The following COL9A3 variants were observed in gnomAD, a reference collection of about 807,000 sequenced individuals.
COL9A3 encodes the protein collagen type IX alpha 3 chain.
A neutral mutation model predicts 110.2 loss-of-function variants in COL9A3; 82 were observed. The ratio of observed to expected loss-of-function variants is 0.74; its 90% confidence interval spans 0.62 to 0.89. COL9A3 has a LOEUF of 0.89. Among genes scored for constraint, COL9A3 ranks in the 40% least tolerant of loss-of-function variants. COL9A3 has a pLI of 0.00. For missense variants in COL9A3, 1,066 were observed against 981.3 expected, an observed-to-expected ratio of 1.09 and a Z score of -1.15; for synonymous variants, 494 against 403.8, an observed-to-expected ratio of 1.22 and a Z score of -2.68.
At chr20:62,829,326 G>T in intron 19 of COL9A3, 129 bp from the exon 20 acceptor site, 1 of 1,251,300 alleles carries the variant, frequency 8.0e-7, no homozygotes, top group Non-Finnish European at 1.1e-6. Context: ...CACAAGGCTG[G>T]GAGAAGTTGG....
chr20:62,829,765 G>C lies in COL9A3; in HGVS notation c.1108-1G>C. 1.3e-6 allele frequency: 2 copies of C among 1,590,832 alleles called. No homozygotes were observed. Among genetic ancestry groups the C allele is most frequent in the East Asian group, 4.5e-5 (2 of 43,970 alleles). ...TGACACCCTCCTTCCTTTCCCTGTA[G>C]GGAGATGCTGGCATGCCTGGGGAGC... On this transcript the variant is annotated splice_acceptor_variant, in intron 21 of 31. Coordinates refer to ENST00000649368, the MANE Select transcript of COL9A3 (RefSeq NM_001853.4). LOFTEE classifies it high-confidence loss of function.
intron 3 of COL9A3, among the ~76,000 whole-genome samples, 157 bp downstream of exon 3, chr20:62,818,710 G>GAGCA (rs2147195830): frequency 6.6e-6 from 1 of 152,356 alleles, no homozygotes; most frequent in Admixed American, 6.5e-5. Context: ...GGAGCCAGCG[G>GAGCA]GGCGGGAGGG....
rs111683227 is a variant in COL9A3, at chr20:62,837,750, C to T, written c.1786+485C>T. Among the ~76,000 whole-genome samples, 5 of 151,920 alleles carry T rather than the reference C, an allele frequency of 3.3e-5. No individual in the cohort carries two copies. In the South Asian group the frequency reaches 6.2e-4, roughly 19 times the overall value. ...TGAACCCTGAAGGCAGAGGTTGCAG[C>T]GAGCTGAGATCGCACCATTGCACTC... On this transcript the variant is annotated intron_variant, in intron 30 of 31. Coordinates refer to ENST00000649368, the MANE Select transcript of COL9A3 (RefSeq NM_001853.4).
chr20:62,837,814 G>GA (rs550050313), intron 30 of COL9A3, among the ~76,000 whole-genome samples: 1,561 of 141,882 alleles, frequency 0.011, 13 homozygotes, highest in Non-Finnish European at 0.014. Context: ...CTCCATAAAA[G>GA]AAAAAAAAAA....
intron 5 of COL9A3, among the ~76,000 whole-genome samples, chr20:62,820,655 G>T (rs982447410): frequency 2.0e-5 from 3 of 152,188 alleles, no homozygotes; most frequent in Non-Finnish European, 4.4e-5. Flanking sequence ...CGAGTCCGTG[G>T]TGCCCAGGGG....
chr20:62,825,460 G>A, intron 12 of COL9A3: 1 of 394,260 alleles, frequency 2.5e-6, no homozygotes, highest in Non-Finnish European at 4.6e-6. Flanking sequence ...ATGGTCACCT[G>A]CAGGCCGGGG....
intron 26 of COL9A3, among the ~76,000 whole-genome samples, chr20:62,833,626 A>T (rs1167710121): frequency 1.3e-5 from 2 of 151,804 alleles, no homozygotes; most frequent in African/African-American, 4.8e-5. Context: ...GATGGTCTCC[A>T]TCTCCTGACC....
intron 29 of COL9A3, chr20:62,836,861 C>T (rs1191340078): frequency 8.7e-6 from 6 of 690,726 alleles, no homozygotes; most frequent in African/African-American, 1.8e-5. Context: ...CCCCCAAGGG[C>T]ACTTCCTTCA....
Position 62,829,822 on chromosome 20 carries a change from G to T in COL9A3, c.1161+3G>T. The T allele has an allele frequency of 6.4e-7, 1 of 1,566,278 alleles. No individual in the cohort carries two copies. Among genetic ancestry groups the T allele is most frequent in the East Asian group, 2.3e-5 (1 of 42,718 alleles). Reference sequence around the variant, plus strand: ...AGGCTGGCCACCGGGGCTCAGCGGTGAGTGCAGGGACATGGCCCGGGGTCG... The same window carrying T: ...AGGCTGGCCACCGGGGCTCAGCGGTTAGTGCAGGGACATGGCCCGGGGTCG... On this transcript the variant is annotated splice_donor_region_variant and intron_variant, in intron 22 of 31. Transcript: ENST00000649368.
At chr20:62,819,725 C>T (rs549767820) in intron 4 of COL9A3, among the ~76,000 whole-genome samples, 5 of 152,284 alleles carry the variant, frequency 3.3e-5, no homozygotes, top group South Asian at 4.1e-4. Flanking sequence ...GCTGGCTTCC[C>T]GCTGGCTGCC....
intron 31 of COL9A3, among the ~76,000 whole-genome samples, chr20:62,840,222 G>A (rs1294471038): frequency 7.1e-6 from 1 of 141,410 alleles, no homozygotes. Context: ...CCCCCACTCC[G>A]GGCCCCCTGC....
chr20:62,817,643 TG>T lies in COL9A3; in HGVS notation c.147+13del. On this transcript the variant is annotated intron_variant, in intron 2 of 31. Coordinates refer to ENST00000649368, the MANE Select transcript of COL9A3 (RefSeq NM_001853.4). ...GGCCAGGACGGCATTGACGTGAGTT[TG>T]GGGGTGGGGAGGGCCCCGAGCGCTC... 6.5e-7 allele frequency: 1 copy of T among 1,530,100 alleles called. No homozygotes were observed. The highest frequency in any genetic ancestry group is 8.8e-7 in the Non-Finnish European group (1 of 1,134,728). The allele number at this position is 1,530,100 out of a possible 1,614,324, so 94.8% of individuals were successfully genotyped here.
At chr20:62,840,188 C>T (rs1403428078) in intron 31 of COL9A3, among the ~76,000 whole-genome samples, 1 of 152,060 alleles carries the variant, frequency 6.6e-6, no homozygotes, top group South Asian at 2.1e-4. Flanking sequence ...CCACTGTCAT[C>T]ACTCACCAAA....
chr20:62,819,321 G>GCCC, intron 4 of COL9A3, 28 bp downstream of exon 4: 1 of 1,596,368 alleles, frequency 6.3e-7, no homozygotes, highest in Non-Finnish European at 8.5e-7. Context: ...TCCCCGCCAT[G>GCCC]CCCCACTCCC....
intron 26 of COL9A3, among the ~76,000 whole-genome samples, chr20:62,835,384 C>T (rs2063627212): frequency 6.6e-6 from 1 of 152,258 alleles, no homozygotes; most frequent in South Asian, 2.1e-4. Context: ...CCAACCCATC[C>T]TTTTCATGAG....
intron 7 of COL9A3, 75 bp from the exon 8 acceptor site, chr20:62,821,682 G>A (rs999212497): frequency 6.0e-5 from 92 of 1,545,354 alleles, no homozygotes; most frequent in Non-Finnish European, 7.5e-5. Flanking sequence ...CTTCGGAGGC[G>A]GCACACCAAC....
intron 2 of COL9A3, 46 bp from the exon 3 acceptor site, chr20:62,818,472 G>A (rs1049724877): frequency 6.3e-7 from 1 of 1,586,170 alleles, no homozygotes; most frequent in Admixed American, 1.7e-5. Flanking sequence ...GGGTTCTTGA[G>A]GGACCCCTGA....
Position 62,824,895 on chromosome 20 carries a change from C to A in COL9A3, c.577-73C>A, listed in dbSNP as rs2063538111. 8.9e-5 allele frequency: 130 copies of A among 1,467,610 alleles called. 2 individuals are homozygous for A. In the South Asian group the frequency reaches 1.5e-3, roughly 17 times the overall value. 90.9% of individuals were successfully genotyped at this position (1,467,610 alleles called of 1,614,324 possible). On this transcript the variant is annotated intron_variant, in intron 11 of 31. Coordinates refer to ENST00000649368, the MANE Select transcript of COL9A3 (RefSeq NM_001853.4). ...GCCCTGGGCTGACTGACCCTGCAGG[C>A]CTCACTTCAGTGTTGCCAGGGAGGG...
intron 18 of COL9A3, 46 bp downstream of exon 18, chr20:62,828,863 G>A: frequency 1.2e-6 from 2 of 1,612,528 alleles, no homozygotes; most frequent in Middle Eastern, 3.3e-4. Flanking sequence ...GGGCTGGAGG[G>A]GAGTTCGGCC....
Sources: gnomAD v4.1 joint callset for allele counts (sites outside exome capture counted in the v4.1 genomes callset) on GRCh38, gnomAD v4.1.1 for gene constraint, MANE v1.5 for transcripts, NCBI Gene and HGNC (gene_info 2026-07-23, HGNC 2026-07-21) for gene names.